The following TYW1 variants were observed in gnomAD, a reference collection of about 807,000 sequenced individuals.
The protein encoded by TYW1 is tRNA-yW synthesizing protein 1 homolog.
A neutral mutation model predicts 96.2 loss-of-function variants in TYW1; 46 were observed. That is an observed-to-expected ratio of 0.48 (90% CI 0.38 to 0.61). TYW1 has a LOEUF of 0.61. Among genes scored for constraint, TYW1 ranks in the 20% least tolerant of loss-of-function variants. TYW1 has a pLI of 0.00. For synonymous variants in TYW1, 274 were observed against 323.0 expected (o/e 0.85, Z 1.63); for missense variants, 684 against 909.6 (o/e 0.75, Z 3.19).
At chr7:67,070,156 G>A (rs1274220835) in intron 10 of TYW1, among the ~76,000 whole-genome samples, 1 of 152,056 alleles carries the variant, frequency 6.6e-6, no homozygotes, top group African/African-American at 2.4e-5. Flanking sequence ...CTTCTTTCAA[G>A]TTTCTTTCTT....
At chr7:67,139,405 A>G (rs187182333) in intron 13 of TYW1, among the ~76,000 whole-genome samples, 1 of 152,260 alleles carries the variant, frequency 6.6e-6, no homozygotes, top group East Asian at 1.9e-4. Flanking sequence ...AGTATTTGTA[A>G]TCCTTGAAAC....
At chr7:67,182,545 C>T (rs966351247) in intron 13 of TYW1, among the ~76,000 whole-genome samples, 1 of 152,046 alleles carries the variant, frequency 6.6e-6, no homozygotes. Context: ...GCCTGGAGGG[C>T]GAGACCCTGT....
intron 7 of TYW1, among the ~76,000 whole-genome samples, chr7:67,047,836 G>A: frequency 7.1e-6 from 1 of 140,014 alleles, no homozygotes. Context: ...CGCCCAGGCT[G>A]GAGTGCAGTG....
At chr7:67,112,081 A>C (rs912100582) in intron 12 of TYW1, among the ~76,000 whole-genome samples, 6 of 138,078 alleles carry the variant, frequency 4.3e-5, no homozygotes, top group African/African-American at 1.6e-4. Flanking sequence ...CCTGGGTGAC[A>C]GAGCGAGACT....
chr7:67,125,502 T>G (rs1469870680), intron 13 of TYW1, among the ~76,000 whole-genome samples: 2 of 146,638 alleles, frequency 1.4e-5, no homozygotes, highest in African/African-American at 4.9e-5. Flanking sequence ...ATGCGTACAT[T>G]ACCTCCTTAT....
intron 15 of TYW1, among the ~76,000 whole-genome samples, chr7:67,220,586 T>C (rs758631370): frequency 1.3e-5 from 2 of 152,124 alleles, no homozygotes; most frequent in African/African-American, 4.8e-5. Context: ...CTAGGCCTAA[T>C]TGGTAGCCTA....
chr7:67,216,473 A>G (rs1201968783), intron 15 of TYW1, among the ~76,000 whole-genome samples: 3 of 141,272 alleles, frequency 2.1e-5, no homozygotes, highest in Non-Finnish European at 4.6e-5. Flanking sequence ...GGGTGCGTTC[A>G]GGGTGGTACC....
intron 7 of TYW1, among the ~76,000 whole-genome samples, chr7:67,033,606 T>A (rs1376335504): frequency 1.3e-5 from 2 of 152,126 alleles, no homozygotes; most frequent in Non-Finnish European, 2.9e-5. Context: ...GAACTTAAAG[T>A]ACCTTACCAA....
chr7:67,150,720 C>T (rs918471886), intron 13 of TYW1, among the ~76,000 whole-genome samples: 1 of 151,964 alleles, frequency 6.6e-6, no homozygotes, highest in Non-Finnish European at 1.5e-5. Flanking sequence ...CCTACAGCAT[C>T]CACGTGATAA....
chr7:67,211,608 T>A (rs566300705), intron 15 of TYW1, among the ~76,000 whole-genome samples: 5 of 152,322 alleles, frequency 3.3e-5, no homozygotes, highest in African/African-American at 1.2e-4. Context: ...ATACCTATAT[T>A]CAAGTGAACA....
At chr7:67,036,400 A>C (rs1206996088) in intron 7 of TYW1, among the ~76,000 whole-genome samples, 1 of 152,230 alleles carries the variant, frequency 6.6e-6, no homozygotes. Context: ...GGCTGTGCAC[A>C]ATTCAAAAGG....
At chr7:67,000,226 G>A (rs904761948) in intron 3 of TYW1, among the ~76,000 whole-genome samples, 3 of 152,050 alleles carry the variant, frequency 2.0e-5, no homozygotes, top group East Asian at 1.9e-4. Flanking sequence ...GTGAGCCACC[G>A]TGCCCAGTCC....
At chr7:67,237,035 A>G (rs1801910470) in intron 15 of TYW1, among the ~76,000 whole-genome samples, 1 of 152,000 alleles carries the variant, frequency 6.6e-6, no homozygotes, top group African/African-American at 2.4e-5. Context: ...ACATGCACAC[A>G]CCACCACGCC....
At chr7:67,146,360 A>C (rs28465142) in intron 13 of TYW1, among the ~76,000 whole-genome samples, 33,770 of 151,600 alleles carry the variant, frequency 0.22, 3,870 homozygotes, top group South Asian at 0.28. Context: ...AACTGTATTC[A>C]TTCACTCAAC....
At chr7:67,042,672 T>A (rs932668739) in intron 7 of TYW1, among the ~76,000 whole-genome samples, 2 of 151,856 alleles carry the variant, frequency 1.3e-5, no homozygotes, top group African/African-American at 4.8e-5. Flanking sequence ...TTAGCGGGTG[T>A]GGGGAGAGAG....
chr7:67,069,557 G>A (rs1415262444), intron 10 of TYW1, among the ~76,000 whole-genome samples: 1 of 152,124 alleles, frequency 6.6e-6, no homozygotes, highest in Non-Finnish European at 1.5e-5. Context: ...TGGGTAACAT[G>A]ACGAAACCTT....
chr7:67,082,145 G>T (rs1191675720), intron 10 of TYW1, among the ~76,000 whole-genome samples: 1 of 151,724 alleles, frequency 6.6e-6, no homozygotes, highest in African/African-American at 2.4e-5. Context: ...TCTGTTACTG[G>T]AGAATTATTG....
At chr7:67,039,047 C>CT (rs1227193190) in intron 7 of TYW1, among the ~76,000 whole-genome samples, 3 of 152,230 alleles carry the variant, frequency 2.0e-5, no homozygotes, top group Non-Finnish European at 4.4e-5. Flanking sequence ...TGAAAAACTT[C>CT]TGATCCCCTA....
intron 15 of TYW1, among the ~76,000 whole-genome samples, chr7:67,197,315 G>A (rs13230184): frequency 4.8e-5 from 7 of 147,118 alleles, no homozygotes; most frequent in African/African-American, 1.5e-4. Flanking sequence ...AGGTACTATC[G>A]AGACCTCTGT....
Sources: allele counts gnomAD v4.1 joint callset (sites outside exome capture counted in the v4.1 genomes callset), GRCh38; gene constraint gnomAD v4.1.1; transcripts MANE v1.5; gene names NCBI Gene and HGNC (gene_info 2026-07-23, HGNC 2026-07-21).